The following UBE3D variants were observed in gnomAD, a reference collection of about 807,000 sequenced individuals.
The protein encoded by UBE3D is ubiquitin protein ligase E3D.
A neutral mutation model predicts 49.6 loss-of-function variants in UBE3D; 48 were observed. The ratio of observed to expected loss-of-function variants is 0.97; its 90% confidence interval spans 0.77 to 1.23. The LOEUF is 1.23. Among genes scored for constraint, UBE3D ranks in the 50% most tolerant of loss-of-function variants. UBE3D has a pLI of 0.00. For synonymous variants in UBE3D, 189 were observed against 174.2 expected (o/e 1.08, Z -0.67); for missense variants, 452 against 468.4 (o/e 0.96, Z 0.32).
intron 2 of UBE3D, among the ~76,000 whole-genome samples, chr6:83,055,213 T>C (rs1045610717): frequency 2.0e-5 from 3 of 152,206 alleles, no homozygotes; most frequent in African/African-American, 7.2e-5. Flanking sequence ...TTTCTATTAT[T>C]TCTTTTATGA....
At chr6:82,897,098 GA>G (rs983392532) in intron 9 of UBE3D, among the ~76,000 whole-genome samples, 5 of 151,856 alleles carry the variant, frequency 3.3e-5, no homozygotes, top group Admixed American at 2.6e-4. Context: ...AAAGGCTTTA[GA>G]AAGGACTCTT....
At chr6:82,907,674 T>G (rs982062892) in intron 9 of UBE3D, among the ~76,000 whole-genome samples, 2 of 152,178 alleles carry the variant, frequency 1.3e-5, no homozygotes, top group African/African-American at 4.8e-5. Context: ...AATAAAAGAT[T>G]GGCATCACCA....
intron 9 of UBE3D, among the ~76,000 whole-genome samples, chr6:82,897,641 G>C (rs1456409001): frequency 1.3e-5 from 2 of 151,980 alleles, no homozygotes; most frequent in African/African-American, 2.4e-5. Context: ...TAGTTTCCAA[G>C]ATCCAAATTT....
chr6:83,056,412 C>T (rs1783818947), intron 2 of UBE3D, among the ~76,000 whole-genome samples: 3 of 152,186 alleles, frequency 2.0e-5, no homozygotes, highest in South Asian at 4.1e-4. Context: ...AACATCCAGC[C>T]TCCCATGGCC....
intron 9 of UBE3D, among the ~76,000 whole-genome samples, chr6:82,905,375 T>C (rs773689730): frequency 2.5e-4 from 38 of 152,152 alleles, no homozygotes; most frequent in Non-Finnish European, 5.0e-4. Context: ...TGATCACTGA[T>C]GTTACTATTG....
At chr6:83,061,046 A>C (rs1427417186) in intron 1 of UBE3D, among the ~76,000 whole-genome samples, 1 of 152,240 alleles carries the variant, frequency 6.6e-6, no homozygotes, top group Admixed American at 6.5e-5. Context: ...TTAAGTGCTC[A>C]AAGTTAACAT....
At chr6:83,030,615 T>C (rs1342350750) in intron 5 of UBE3D, among the ~76,000 whole-genome samples, 3 of 151,762 alleles carry the variant, frequency 2.0e-5, no homozygotes, top group African/African-American at 7.3e-5. Context: ...ACTAGTAGAG[T>C]GGGGTGTTGC....
At chr6:83,058,401 A>G (rs1783953143) in intron 1 of UBE3D, among the ~76,000 whole-genome samples, 1 of 152,222 alleles carries the variant, frequency 6.6e-6, no homozygotes. Context: ...CAATTTTAAG[A>G]ATAAAAAGAA....
intron 9 of UBE3D, among the ~76,000 whole-genome samples, chr6:82,932,144 A>C (rs1204818923): frequency 6.6e-6 from 1 of 152,170 alleles, no homozygotes; most frequent in Non-Finnish European, 1.5e-5. Context: ...AGTCATGCTG[A>C]ACTGTGAGTC....
At chr6:83,007,381 T>C (rs1307748321) in intron 8 of UBE3D, among the ~76,000 whole-genome samples, 1 of 152,192 alleles carries the variant, frequency 6.6e-6, no homozygotes, top group African/African-American at 2.4e-5. Flanking sequence ...CTAGGACTCA[T>C]GTAACTTACA....
intron 9 of UBE3D, among the ~76,000 whole-genome samples, chr6:82,901,201 AAT>A (rs1406851162): frequency 6.6e-6 from 1 of 152,182 alleles, no homozygotes; most frequent in Non-Finnish European, 1.5e-5. Flanking sequence ...GTAATTTTCA[AAT>A]AATATTATTC....
Position 82,935,277 on chromosome 6 carries a change from G to A in UBE3D, c.1149+22035C>T, listed in dbSNP as rs180836473. On this transcript the variant is annotated intron_variant, in intron 9 of 9. Coordinates refer to ENST00000369747, the MANE Select transcript of UBE3D (RefSeq NM_198920.3). ...ACACTTTTAAACTAGCAGATCTTGT[G>A]TGAACTCAGAGCGAGTGCTCACTTA... Among the ~76,000 whole-genome samples the A allele has an allele frequency of 8.2e-4, 125 of 152,154 alleles. 2 individuals are homozygous for A. In the East Asian group the frequency reaches 0.018, roughly 22 times the overall value.
chr6:83,006,676 A>G (rs958599221), intron 8 of UBE3D, among the ~76,000 whole-genome samples: 7 of 152,164 alleles, frequency 4.6e-5, no homozygotes, highest in African/African-American at 1.7e-4. Flanking sequence ...AGTCTGTGGT[A>G]TTTTGCTATG....
intron 3 of UBE3D, among the ~76,000 whole-genome samples, chr6:83,046,672 C>CA (rs144340435): frequency 9.5e-6 from 1 of 105,054 alleles, no homozygotes; most frequent in Non-Finnish European, 1.8e-5. Context: ...TTGCAGTTGG[C>CA]GGGGGGGGTG....
intron 9 of UBE3D, among the ~76,000 whole-genome samples, chr6:82,901,577 T>G (rs1771740919): frequency 1.3e-5 from 2 of 152,170 alleles, no homozygotes; most frequent in Non-Finnish European, 2.9e-5. Context: ...TTTATATAGC[T>G]GAGCAAACCA....
chr6:82,981,300 T>C (rs975698318), intron 8 of UBE3D, among the ~76,000 whole-genome samples: 3 of 152,142 alleles, frequency 2.0e-5, no homozygotes, highest in Non-Finnish European at 4.4e-5. Flanking sequence ...TATCAAAGAA[T>C]GTATGAACAC....
chr6:82,951,210 G>A (rs570008240), intron 9 of UBE3D, among the ~76,000 whole-genome samples: 6 of 152,192 alleles, frequency 3.9e-5, no homozygotes, highest in African/African-American at 1.4e-4. Flanking sequence ...AATATCTCAT[G>A]TAACCCATAA....
chr6:82,945,440 C>T (rs1331243076), intron 9 of UBE3D, among the ~76,000 whole-genome samples: 2 of 152,152 alleles, frequency 1.3e-5, no homozygotes, highest in Admixed American at 1.3e-4. Flanking sequence ...AAGAATAACA[C>T]AATTACTAGG....
chr6:83,030,788 A>T (rs949222795), intron 5 of UBE3D, among the ~76,000 whole-genome samples: 5 of 152,158 alleles, frequency 3.3e-5, no homozygotes, highest in African/African-American at 1.2e-4. Context: ...ACCTTCCTAG[A>T]GACTTGTTGA....
Sources: allele counts gnomAD v4.1 joint callset (sites outside exome capture counted in the v4.1 genomes callset), GRCh38; gene constraint gnomAD v4.1.1; transcripts MANE v1.5; gene names NCBI Gene and HGNC (gene_info 2026-07-23, HGNC 2026-07-21).